Variants in HLA-DQB1 observed in about 807,000 individuals in gnomAD.
The protein encoded by HLA-DQB1 is HLA class II histocompatibility antigen, DQ beta 1 chain.
In HLA-DQB1, 13 loss-of-function variants were observed where a neutral mutation model predicts 26.4. The ratio of observed to expected loss-of-function variants is 0.49; its 90% confidence interval spans 0.32 to 0.78. The LOEUF (loss-of-function observed/expected upper bound fraction) is 0.78. HLA-DQB1 is among the 30% of genes least tolerant of loss of function. The pLI is 0.03. For synonymous variants in HLA-DQB1, 60 were observed against 129.1 expected, an observed-to-expected ratio of 0.46 and a Z score of 3.63; for missense variants, 158 against 326.2, an observed-to-expected ratio of 0.48 and a Z score of 3.97.
intron 3 of HLA-DQB1, 196 bp downstream of exon 3, chr6:32,661,766 TGTAGA>T: frequency 1.9e-6 from 1 of 517,086 alleles, no homozygotes; most frequent in Non-Finnish European, 3.3e-6. Flanking sequence ...AGCAACAGTA[TGTAGA>T]GTAATTTCCC....
chr6:32,662,563 GA>G, intron 2 of HLA-DQB1: 2 of 51,624 alleles, frequency 3.9e-5, no homozygotes, highest in Non-Finnish European at 6.8e-5. Flanking sequence ...TGTAATATTT[GA>G]AAAAAAAGTA....
intron 4 of HLA-DQB1, 120 bp from the exon 5 acceptor site, chr6:32,660,369 G>A (rs2647082): frequency 0.14 from 60,603 of 442,072 alleles, 10,689 homozygotes; most frequent in East Asian, 0.37. Context: ...AGGGTGTATT[G>A]TCATCACCTC....
chr6:32,663,405 T>TTGA (rs1783404655), intron 2 of HLA-DQB1: 8 of 103,468 alleles, frequency 7.7e-5, no homozygotes, highest in South Asian at 2.9e-4. Context: ...AATCATGAAT[T>TTGA]TTCAATGCCG....
rs281861975 is a variant in HLA-DQB1 at position 32,665,158 on chromosome 6, C to G, written c.110-91G>C. 39 of 796,900 alleles carry G rather than the reference C, an allele frequency of 4.9e-5. 8 individuals carry two copies. The African/African-American group carries it at 7.4e-4, about 15-fold the overall frequency. The allele number at this position is 796,900 out of a possible 1,614,324, so 49.4% of individuals were successfully genotyped here. A position where few individuals can be genotyped will look rare whatever the true frequency, so the allele number is the denominator to read the frequency against. On this transcript the variant is annotated intron_variant, in intron 1 of 4. Coordinates refer to ENST00000434651, the Ensembl canonical transcript of HLA-DQB1. ...CCCGGCCTGGAGCTGTGGAACCGCC[C>G]GCGCGACCTCCAGTTCCCGCCCGCC...
chr6:32,660,129 T>G (rs1063349), exon 5 of HLA-DQB1: 1 of 498,872 alleles, frequency 2.0e-6, no homozygotes, highest in South Asian at 2.5e-5. Flanking sequence ...CTGTAGGACT[T>G]TGATCTCAGG....
At chr6:32,660,860 T>C in intron 4 of HLA-DQB1, 1 of 1,509,332 alleles carries the variant, frequency 6.6e-7, no homozygotes, top group Non-Finnish European at 8.9e-7. Context: ...AAATATTACC[T>C]GCTGGTGGAG....
At chr6:32,661,631 A>G (rs72844321) in intron 3 of HLA-DQB1, 174 bp from the exon 4 acceptor site, 124,850 of 441,326 alleles carry the variant, frequency 0.28, 37,442 homozygotes, top group East Asian at 0.34. Context: ...GGATACAGTG[A>G]ATAGGTGAGA....
chr6:32,665,721 G>T (rs281861470), intron 1 of HLA-DQB1, among the ~76,000 whole-genome samples: 15,861 of 109,122 alleles, frequency 0.15, 1,313 homozygotes, highest in Middle Eastern at 0.19. Context: ...GTTTGGGCAG[G>T]TTATGTAACA....
At chr6:32,661,276 C>G (rs9273580) in intron 4 of HLA-DQB1, 71 bp downstream of exon 4, 241,185 of 625,636 alleles carry the variant, frequency 0.39, 70,175 homozygotes, top group Admixed American at 0.56. Flanking sequence ...AGCTAATCTA[C>G]AGACAGGACC....
intron 1 of HLA-DQB1, among the ~76,000 whole-genome samples, chr6:32,665,508 C>T (rs9274448): frequency 0.71 from 88,574 of 125,472 alleles, 34,524 homozygotes; most frequent in Middle Eastern, 0.88. Context: ...CTCGTTCTGA[C>T]ACGCGTATTC....
Position 32,661,731 on chromosome 6 carries a change from C to G in HLA-DQB1, c.661+236G>C, listed in dbSNP as rs281864242. 0.031 allele frequency: 14,096 copies of G among 459,466 alleles called. 2,209 individuals carry two copies. Among genetic ancestry groups the G allele is most frequent in the East Asian group, 0.22 (5,111 of 22,800 alleles). 28.5% of individuals were successfully genotyped at this position (459,466 alleles called of 1,614,324 possible). On this transcript the variant is annotated intron_variant, in intron 3 of 4. Coordinates refer to ENST00000434651, the Ensembl canonical transcript of HLA-DQB1. ...TCACCAGCCCTAAGAATCAGTCCCT[C>G]AGAGCTATCAGGACTGGGATTCAGA... is the stretch of plus-strand genomic sequence containing the variant.
chr6:32,665,381 G>A (rs281861790), intron 1 of HLA-DQB1, among the ~76,000 whole-genome samples: 1 of 143,672 alleles, frequency 7.0e-6, no homozygotes, highest in Non-Finnish European at 1.5e-5. Context: ...GGATCAGGGC[G>A]TTCTCGCATG....
In HLA-DQB1 at chr6:32,666,441, C is replaced by T. The variant is rs281860897; in HGVS notation, c.109+58G>A. 2.4e-5 allele frequency: 15 copies of T among 637,942 alleles called. 1 individual carries two copies. In the South Asian group the frequency reaches 3.2e-4, roughly 13 times the overall value. The allele number at this position is 637,942 out of a possible 1,614,324, so 39.5% of individuals were successfully genotyped here. A position where few individuals can be genotyped will look rare whatever the true frequency, so the allele number is the denominator to read the frequency against. Reference sequence around the variant, plus strand: ...GAGATCACCATCCCCCATACCCCAGCCCAAGGAGAGCCTGTTCCCAGAGTG... The same window carrying T: ...GAGATCACCATCCCCCATACCCCAGTCCAAGGAGAGCCTGTTCCCAGAGTG... On this transcript the variant is annotated intron_variant, in intron 1 of 4. Transcript: ENST00000434651.
At chr6:32,665,107 G>A in intron 1 of HLA-DQB1, 40 bp from the exon 2 acceptor site, 1 of 1,091,838 alleles carries the variant, frequency 9.2e-7, no homozygotes, top group Non-Finnish European at 1.3e-6. Flanking sequence ...GCCCCAGCCC[G>A]GCCGCCCCCG....
chr6:32,661,346 C>G lies in HLA-DQB1; in HGVS notation c.772+1G>C. 3 of 1,424,106 alleles carry G rather than the reference C, an allele frequency of 2.1e-6. No homozygotes were observed. The highest frequency in any genetic ancestry group is 2.9e-6 in the Non-Finnish European group (3 of 1,035,162). 88.2% of individuals were successfully genotyped at this position (1,424,106 alleles called of 1,614,324 possible). ...TCCCCTTTTCCCCTGGGGTTCCTCACCTTTCTGACTCCTTTGACGGATGAT... is the reference window on the plus strand; with the variant it reads ...TCCCCTTTTCCCCTGGGGTTCCTCAGCTTTCTGACTCCTTTGACGGATGAT... On this transcript the variant is annotated splice_donor_variant, in intron 4 of 4. Transcript: ENST00000434651. LOFTEE classifies it high-confidence loss of function.
intron 2 of HLA-DQB1, chr6:32,662,836 T>C (rs67904681): frequency 0.19 from 27,065 of 141,876 alleles, 2,931 homozygotes; most frequent in South Asian, 0.24. Flanking sequence ...TTAATTTCTT[T>C]TTAACGCACA....
intron 4 of HLA-DQB1, chr6:32,660,791 A>G (rs9273522): frequency 0.041 from 33,329 of 813,582 alleles, 3,148 homozygotes; most frequent in Admixed American, 0.17. Context: ...GTGGTCAGGT[A>G]CACTCAGCTC....
chr6:32,661,899 A>G, intron 3 of HLA-DQB1, 68 bp downstream of exon 3: 2 of 1,118,328 alleles, frequency 1.8e-6, no homozygotes, highest in South Asian at 1.5e-5. Flanking sequence ...AAGAGATGGG[A>G]AGGAATGGGT....
intron 1 of HLA-DQB1, 100 bp from the exon 2 acceptor site, chr6:32,665,167 TC>T: frequency 1.4e-6 from 1 of 697,680 alleles, no homozygotes. Context: ...CCGCGCGACC[TC>T]CAGTTCCCGC....
Sources: allele counts gnomAD v4.1 joint callset (sites outside exome capture counted in the v4.1 genomes callset), GRCh38; gene constraint gnomAD v4.1.1; transcripts MANE v1.5; gene names NCBI Gene and HGNC (gene_info 2026-07-23, HGNC 2026-07-21).